Variants in CFAP92 observed in about 807,000 individuals in gnomAD.
CFAP92 encodes the protein uncharacterized protein CFAP92.
In CFAP92, 86 loss-of-function variants were observed where a neutral mutation model predicts 106.3. That is an observed-to-expected ratio of 0.81 (90% confidence interval 0.68 to 0.97). The LOEUF is 0.97. Ranked by LOEUF, CFAP92 falls within the 50% of genes least tolerant of loss-of-function variation. The pLI is 0.00. For synonymous variants in CFAP92, 477 were observed against 506.4 expected, an observed-to-expected ratio of 0.94 and a Z score of 0.78; for missense variants, 1,204 against 1,283.8, an observed-to-expected ratio of 0.94 and a Z score of 0.95.
At chr3:128,948,561 G>A (rs867311705) in intron 9 of CFAP92, among the ~76,000 whole-genome samples, 6 of 138,990 alleles carry the variant, frequency 4.3e-5, no homozygotes, top group Non-Finnish European at 6.1e-5. Context: ...ACAGGCTCTC[G>A]CTCCATTGCC....
chr3:128,979,000 C>T (rs1943346518), intron 4 of CFAP92, among the ~76,000 whole-genome samples: 1 of 152,170 alleles, frequency 6.6e-6, no homozygotes, highest in Admixed American at 6.6e-5. Context: ...AAAGAAACTA[C>T]CATCAGAGTG....
chr3:129,003,988 CCG>C (rs1944936879), upstream of CFAP92: 1 of 1,498,902 alleles, frequency 6.7e-7, no homozygotes, highest in South Asian at 1.2e-5. Flanking sequence ...GCAGCCTGCA[CCG>C]CGTGCGAGAG....
chr3:128,941,261 TACC>T (rs1335802429), intron 10 of CFAP92, among the ~76,000 whole-genome samples: 5 of 152,180 alleles, frequency 3.3e-5, no homozygotes, highest in African/African-American at 1.2e-4. Flanking sequence ...TTATATTCGA[TACC>T]ACATTAAATA....
intron 12 of CFAP92, among the ~76,000 whole-genome samples, chr3:128,932,115 T>C (rs1576426108): frequency 6.6e-6 from 1 of 152,196 alleles, no homozygotes; most frequent in Non-Finnish European, 1.5e-5. Context: ...ACTGGAGAAT[T>C]GCAGGGATGG....
At chr3:128,925,390 T>A (rs142046279) in intron 12 of CFAP92, among the ~76,000 whole-genome samples, 3 of 152,292 alleles carry the variant, frequency 2.0e-5, no homozygotes, top group Non-Finnish European at 4.4e-5. Context: ...CACTCTCACC[T>A]CCTGTTGTGC....
intron 9 of CFAP92, among the ~76,000 whole-genome samples, chr3:128,949,612 C>T (rs1576481968): frequency 1.3e-5 from 2 of 152,128 alleles, no homozygotes; most frequent in African/African-American, 4.8e-5. Flanking sequence ...TTATGAAGGG[C>T]GAGTACAAAG....
At chr3:128,983,126 C>T (rs1282856605) in intron 4 of CFAP92, among the ~76,000 whole-genome samples, 1 of 152,160 alleles carries the variant, frequency 6.6e-6, no homozygotes, top group African/African-American at 2.4e-5. Flanking sequence ...GCATTATCAA[C>T]CAAGGTATGC....
chr3:129,002,595 C>T, exon 1 of CFAP92: 1 of 529,958 alleles, frequency 1.9e-6, no homozygotes, highest in South Asian at 3.8e-5. Context: ...GCTCCACCGC[C>T]ACATCATCGC....
Position 128,945,801 on chromosome 3 carries a change from C to A in CFAP92, c.1528G>T (p.Glu510Ter), listed in dbSNP as rs1576469407. Residue 510 changes from glutamate (E) to a stop codon, truncating the protein, a stop_gained, in exon 10 of 16, where the codon GAA becomes TAA. Coordinates refer to ENST00000645291, the MANE Select transcript of CFAP92 (RefSeq NM_001394090.1). LOFTEE classifies it high-confidence loss of function. The part of the protein sequence containing the change: ...EYLEGPPMVV[E>*]VHDRDRKSEE... ...GACTTGCGGTCCCGGTCGTGAACTT[C>A]CACCACCATGGGGGGGCCCTCCAGG... 6.6e-7 allele frequency: 1 copy of A among 1,526,142 alleles called. No homozygotes were observed. The highest frequency in any genetic ancestry group is 1.2e-5 in the South Asian group (1 of 82,178). The allele number at this position is 1,526,142 out of a possible 1,614,324, so 94.5% of individuals were successfully genotyped here. A position where few individuals can be genotyped will look rare whatever the true frequency, so the allele number is the denominator to read the frequency against.
At chr3:128,963,557 C>T in intron 9 of CFAP92, among the ~76,000 whole-genome samples, 1 of 151,998 alleles carries the variant, frequency 6.6e-6, no homozygotes, top group Non-Finnish European at 1.5e-5. Flanking sequence ...CCACATTATT[C>T]CTGATACCAC....
intron 12 of CFAP92, among the ~76,000 whole-genome samples, chr3:128,927,338 G>A (rs548338908): frequency 1.6e-5 from 2 of 127,722 alleles, no homozygotes; most frequent in East Asian, 5.0e-4. Context: ...GGAAGGAAGA[G>A]TATCCAGATT....
At chr3:128,934,097 G>A (rs964831492) in intron 11 of CFAP92, among the ~76,000 whole-genome samples, 12 of 151,614 alleles carry the variant, frequency 7.9e-5, no homozygotes, top group Middle Eastern at 3.4e-3. Context: ...CCCCTCCTCC[G>A]TGCCCCCGCT....
At chr3:128,976,523 C>A (rs1027592236) in intron 6 of CFAP92, among the ~76,000 whole-genome samples, 5 of 152,212 alleles carry the variant, frequency 3.3e-5, no homozygotes, top group African/African-American at 9.7e-5. Context: ...AGCTTCCATT[C>A]TCTCCCTTGT....
At chr3:128,959,066 C>T (rs1421447030) in intron 9 of CFAP92, among the ~76,000 whole-genome samples, 1 of 151,702 alleles carries the variant, frequency 6.6e-6, no homozygotes, top group Admixed American at 6.6e-5. Flanking sequence ...CAAAATTAGC[C>T]GGGCGTGGTG....
the CFAP92 span, among the ~76,000 whole-genome samples, chr3:129,009,927 G>T: frequency 2.0e-5 from 3 of 152,200 alleles, no homozygotes; most frequent in African/African-American, 7.2e-5. Flanking sequence ...TGGGGAGGGT[G>T]GACAGAAAAA....
the CFAP92 span, among the ~76,000 whole-genome samples, chr3:129,019,865 T>A: frequency 6.7e-6 from 1 of 149,810 alleles, no homozygotes; most frequent in Non-Finnish European, 1.5e-5. Context: ...ACCTCCCAGA[T>A]TCAAGCGATT....
At chr3:129,014,447 T>G in the CFAP92 span, among the ~76,000 whole-genome samples, 3 of 152,232 alleles carry the variant, frequency 2.0e-5, no homozygotes, top group Admixed American at 2.0e-4. The surrounding 1 kb of genome is among the most constrained non-coding windows in gnomAD (Gnocchi z 4.3). Context: ...GCCTTCTCCC[T>G]GTATCCTCGC....
intron 12 of CFAP92, among the ~76,000 whole-genome samples, chr3:128,922,262 G>C (rs1937353138): frequency 6.6e-6 from 1 of 151,854 alleles, no homozygotes; most frequent in Admixed American, 6.6e-5. Flanking sequence ...AGAATGGAGT[G>C]AACCCAGGAG....
At chr3:128,954,995 G>A (rs1941234540) in intron 9 of CFAP92, among the ~76,000 whole-genome samples, 2 of 35,036 alleles carry the variant, frequency 5.7e-5, no homozygotes, top group Non-Finnish European at 8.8e-5. Flanking sequence ...CCGGCCAGCC[G>A]CCCCGTCCGG....
Sources: allele counts gnomAD v4.1 joint callset (sites outside exome capture counted in the v4.1 genomes callset), GRCh38; gene constraint gnomAD v4.1.1; non-coding constraint Gnocchi (gnomAD v3.1); transcripts MANE v1.5; gene names NCBI Gene and HGNC (gene_info 2026-07-23, HGNC 2026-07-21).